WWOX: variants seen among roughly 807,000 people sequenced by gnomAD.
WWOX encodes WW domain containing oxidoreductase, also known as WW domain-containing oxidoreductase.
In WWOX, 69 loss-of-function variants were observed where a neutral mutation model predicts 46.2. The observed-to-expected ratio is 1.49, with a 90% CI of 1.23 to 1.82. The LOEUF is 1.82. Among genes scored for constraint, WWOX ranks in the 40% most tolerant of loss-of-function variants. WWOX has a pLI of 0.00. For synonymous variants in WWOX, 359 were observed against 202.6 expected, an observed-to-expected ratio of 1.77 and a Z score of -6.56; for missense variants, 919 against 542.6, an observed-to-expected ratio of 1.69 and a Z score of -6.89.
intron 8 of WWOX, among the ~76,000 whole-genome samples, chr16:78,571,345 T>A (rs971832237): frequency 6.6e-6 from 1 of 152,218 alleles, no homozygotes; most frequent in Non-Finnish European, 1.5e-5. Flanking sequence ...TAGATGACTT[T>A]GTGAAATGTC....
intron 8 of WWOX, among the ~76,000 whole-genome samples, chr16:78,815,490 G>A (rs762429117): frequency 2.6e-5 from 4 of 152,078 alleles, no homozygotes; most frequent in Admixed American, 6.6e-5. Context: ...TACGTTACCC[G>A]TTTTGAGTGT....
chr16:78,301,692 G>A (rs1028377868), intron 5 of WWOX, among the ~76,000 whole-genome samples: 7 of 152,158 alleles, frequency 4.6e-5, no homozygotes, highest in African/African-American at 1.7e-4. Context: ...CTGTTTGCCT[G>A]TGATTAGAGT....
intron 8 of WWOX, among the ~76,000 whole-genome samples, chr16:78,577,034 T>C (rs1447704138): frequency 6.6e-6 from 1 of 152,210 alleles, no homozygotes; most frequent in Admixed American, 6.5e-5. Context: ...AGTTTATAGG[T>C]AGCCCCATTT....
intron 5 of WWOX, among the ~76,000 whole-genome samples, chr16:78,370,722 A>G (rs2081656577): frequency 7.1e-6 from 1 of 141,442 alleles, no homozygotes; most frequent in Non-Finnish European, 1.5e-5. Flanking sequence ...GGTCTTCACC[A>G]TCTGCCAATG....
At position 78,993,265 on chromosome 16, in the gene WWOX, G is replaced by A. The variant is rs990089460; in HGVS notation, c.1057-218343G>A. ...CGGCGCCGAAACTTTACTATTTGGG[G>A]GTGGGGGGAGGTTGGGGAAGGGAGG... On this transcript the variant is annotated intron_variant, in intron 8 of 8. Coordinates refer to ENST00000566780, the MANE Select transcript of WWOX (RefSeq NM_016373.4). Among the ~76,000 whole-genome samples the A allele has an allele frequency of 2.7e-4, 41 of 151,900 alleles. 1 individual carries two copies. The highest frequency in any genetic ancestry group is 2.4e-3 in the Admixed American group (36 of 15,238).
At chr16:78,580,402 G>C (rs1017563193) in intron 8 of WWOX, among the ~76,000 whole-genome samples, 6 of 152,162 alleles carry the variant, frequency 3.9e-5, no homozygotes, top group Non-Finnish European at 7.3e-5. Context: ...TCAATGCTGA[G>C]CACCAATTAC....
rs537149478 is a variant in WWOX, at chr16:78,547,019, T to A, written c.1056+114267T>A. Among the ~76,000 whole-genome samples, 4 of 150,678 alleles carry A rather than the reference T, an allele frequency of 2.7e-5. No individual in the cohort carries two copies. The East Asian group carries it at 7.9e-4, about 30-fold the overall frequency. ...AGTGCATGCCTGTGGTCCCAGCTAC[T>A]TGGGAGGCTGAGGTTCGAGGGTTGC... On this transcript the variant is annotated intron_variant, in intron 8 of 8. Coordinates refer to ENST00000566780, the MANE Select transcript of WWOX (RefSeq NM_016373.4).
chr16:78,274,629 T>A (rs983135710), intron 5 of WWOX, among the ~76,000 whole-genome samples: 2 of 152,120 alleles, frequency 1.3e-5, no homozygotes, highest in African/African-American at 4.8e-5. Context: ...GAGTTCTAAG[T>A]CCCTATGTCT....
chr16:78,745,361 A>G (rs2049324209), intron 8 of WWOX, among the ~76,000 whole-genome samples: 1 of 152,060 alleles, frequency 6.6e-6, no homozygotes, highest in African/African-American at 2.4e-5. Context: ...ATGAGTACTT[A>G]GCTTTGAAAA....
At chr16:78,319,909 G>A (rs976865363) in intron 5 of WWOX, among the ~76,000 whole-genome samples, 4 of 152,086 alleles carry the variant, frequency 2.6e-5, no homozygotes, top group Non-Finnish European at 5.9e-5. Context: ...TTTTCCTGGC[G>A]AAATAGTCAT....
At chr16:78,166,960 C>T (rs931720005) in intron 5 of WWOX, 2 of 152,086 alleles carry the variant, frequency 1.3e-5, no homozygotes, top group African/African-American at 2.4e-5. Flanking sequence ...AGCAGGAGGG[C>T]GTGTCAAAAT....
chr16:79,011,823 C>G (rs559161427), intron 8 of WWOX, among the ~76,000 whole-genome samples: 2 of 152,046 alleles, frequency 1.3e-5, no homozygotes, highest in Admixed American at 6.5e-5. Flanking sequence ...AAACAAAAAA[C>G]TCTTTTGTGT....
At chr16:78,212,878 G>A (rs558731929) in intron 5 of WWOX, among the ~76,000 whole-genome samples, 10 of 152,240 alleles carry the variant, frequency 6.6e-5, no homozygotes, top group South Asian at 2.1e-4. Context: ...AAACACGCCC[G>A]GATCTCAGTG....
At chr16:78,227,868 T>C (rs916979648) in intron 5 of WWOX, among the ~76,000 whole-genome samples, 2 of 151,948 alleles carry the variant, frequency 1.3e-5, no homozygotes, top group Non-Finnish European at 2.9e-5. Context: ...AGAGCGAAAC[T>C]CTGTCTCAAA....
chr16:78,656,904 G>C (rs1439409672), intron 8 of WWOX, among the ~76,000 whole-genome samples: 1 of 152,196 alleles, frequency 6.6e-6, no homozygotes, highest in African/African-American at 2.4e-5. Flanking sequence ...GCTCTGTTTA[G>C]GGAAGGCTGT....
At chr16:78,442,418 A>C (rs1169757246) in intron 8 of WWOX, among the ~76,000 whole-genome samples, 2 of 151,990 alleles carry the variant, frequency 1.3e-5, no homozygotes, top group Non-Finnish European at 2.9e-5. Context: ...GGATCCTTTG[A>C]CCACTATCTC....
Position 78,481,123 on chromosome 16 carries a change from A to C in WWOX, c.1056+48371A>C, listed in dbSNP as rs186864083. On this transcript the variant is annotated intron_variant, in intron 8 of 8. Transcript: ENST00000566780. ...GCATGCATTATTTTTAAAGATGAAC[A>C]TTGCTTTAACCTATACCATTCCTGG... Among the ~76,000 whole-genome samples, 4 of 152,356 alleles carry C rather than the reference A, an allele frequency of 2.6e-5. No homozygotes were observed. In the East Asian group the frequency reaches 7.7e-4, roughly 29 times the overall value.
intron 6 of WWOX, among the ~76,000 whole-genome samples, chr16:78,388,295 T>C (rs2082101300): frequency 6.6e-6 from 1 of 152,166 alleles, no homozygotes; most frequent in African/African-American, 2.4e-5. Flanking sequence ...CCTCTGAAAA[T>C]GCTGGGATTA....
chr16:78,132,305 C>T (rs1436420687), intron 4 of WWOX, among the ~76,000 whole-genome samples: 4 of 151,472 alleles, frequency 2.6e-5, no homozygotes, highest in Non-Finnish European at 5.9e-5. Context: ...GGATTACAGG[C>T]GTGAGCCACC....
Sources: gnomAD v4.1 joint callset for allele counts (sites outside exome capture counted in the v4.1 genomes callset) on GRCh38, gnomAD v4.1.1 for gene constraint, MANE v1.5 for transcripts, NCBI Gene and HGNC (gene_info 2026-07-23, HGNC 2026-07-21) for gene names.